SLC24A2: variants seen among roughly 807,000 people sequenced by gnomAD.
SLC24A2 encodes the protein sodium/potassium/calcium exchanger 2.
SLC24A2 carries 36 observed loss-of-function variants against 62.0 expected under a neutral mutation model. The ratio of observed to expected loss-of-function variants is 0.58; its 90% CI spans 0.44 to 0.77. SLC24A2 has a LOEUF of 0.77. Ranked by LOEUF, SLC24A2 falls within the 30% of genes least tolerant of loss-of-function variation. The pLI, the probability that SLC24A2 is intolerant of heterozygous loss-of-function variation, is 0.00. For missense variants in SLC24A2, 846 were observed against 817.9 expected, an observed-to-expected ratio of 1.03 and a Z score of -0.42; for synonymous variants, 358 against 294.0, an observed-to-expected ratio of 1.22 and a Z score of -2.23.
At chr9:19,664,344 GA>G in intron 2 of SLC24A2, among the ~76,000 whole-genome samples, 1 of 152,284 alleles carries the variant, frequency 6.6e-6, no homozygotes, top group Non-Finnish European at 1.5e-5. Flanking sequence ...AATTTTTAAA[GA>G]AAAAAGTCTG....
At chr9:19,919,213 G>A in the SLC24A2 span, among the ~76,000 whole-genome samples, 14 of 152,210 alleles carry the variant, frequency 9.2e-5, no homozygotes, top group East Asian at 2.1e-3. Context: ...GCTTGCTCCC[G>A]GGGGGTTCAG....
At chr9:19,650,552 T>G (rs1818770031) in intron 2 of SLC24A2, among the ~76,000 whole-genome samples, 1 of 151,986 alleles carries the variant, frequency 6.6e-6, no homozygotes, top group African/African-American at 2.4e-5. Context: ...AGCTTGGGTG[T>G]GATGATTAGG....
intron 10 of SLC24A2, among the ~76,000 whole-genome samples, chr9:19,517,519 G>A (rs1231065469): frequency 6.6e-6 from 1 of 152,208 alleles, no homozygotes; most frequent in African/African-American, 2.4e-5. Flanking sequence ...CAGAGCCCGT[G>A]CATTGTGGAT....
At chr9:19,908,189 C>T in the SLC24A2 span, among the ~76,000 whole-genome samples, 1 of 152,196 alleles carries the variant, frequency 6.6e-6, no homozygotes, top group East Asian at 1.9e-4. Context: ...TGCATATCTA[C>T]AACCATCTGA....
the SLC24A2 span, among the ~76,000 whole-genome samples, chr9:20,165,095 T>C: frequency 6.6e-6 from 1 of 151,618 alleles, no homozygotes; most frequent in Non-Finnish European, 1.5e-5. Context: ...GTAACTAACC[T>C]GCACATTGTG....
At chr9:19,944,493 G>A in the SLC24A2 span, among the ~76,000 whole-genome samples, 241 of 149,622 alleles carry the variant, frequency 1.6e-3, no homozygotes, top group Non-Finnish European at 2.3e-3. Flanking sequence ...AAATGAATTT[G>A]ACTTATCAAA....
the SLC24A2 span, among the ~76,000 whole-genome samples, chr9:20,082,055 G>A: frequency 6.6e-6 from 1 of 152,152 alleles, no homozygotes; most frequent in Non-Finnish European, 1.5e-5. Flanking sequence ...TTGATGAGGT[G>A]AGTGAATTTC....
intron 2 of SLC24A2, among the ~76,000 whole-genome samples, chr9:19,724,649 T>C (rs1821119887): frequency 6.6e-6 from 1 of 152,182 alleles, no homozygotes; most frequent in African/African-American, 2.4e-5. Context: ...AACATTCAGC[T>C]TATGCCCAAT....
the SLC24A2 span, among the ~76,000 whole-genome samples, chr9:20,259,457 G>A: frequency 3.3e-5 from 5 of 152,102 alleles, no homozygotes; most frequent in Non-Finnish European, 5.9e-5. Flanking sequence ...AAATTAGTTT[G>A]TTTTTAATAT....
At chr9:19,555,167 TAAAA>T (rs371772457) in intron 7 of SLC24A2, among the ~76,000 whole-genome samples, 1 of 150,192 alleles carries the variant, frequency 6.7e-6, no homozygotes, top group South Asian at 2.1e-4. Context: ...AGGGCACTCT[TAAAA>T]AAAAAATTAT....
the SLC24A2 span, among the ~76,000 whole-genome samples, chr9:20,208,988 T>A: frequency 6.6e-6 from 1 of 152,240 alleles, no homozygotes; most frequent in East Asian, 1.9e-4. Flanking sequence ...AACTGCTTAC[T>A]AGCTCTGTGA....
the SLC24A2 span, among the ~76,000 whole-genome samples, chr9:20,205,964 C>A: frequency 1.3e-5 from 2 of 152,198 alleles, no homozygotes; most frequent in South Asian, 4.1e-4. Flanking sequence ...ATCATGACTT[C>A]ATGTTTTATA....
the SLC24A2 span, among the ~76,000 whole-genome samples, chr9:19,859,762 T>C: frequency 6.6e-6 from 1 of 152,270 alleles, no homozygotes; most frequent in South Asian, 2.1e-4. Context: ...GGCAGCATTG[T>C]GAGGAGGGTG....
chr9:20,268,860 G>C, the SLC24A2 span, among the ~76,000 whole-genome samples: 1 of 152,156 alleles, frequency 6.6e-6, no homozygotes, highest in Non-Finnish European at 1.5e-5. Flanking sequence ...GTATGTGTGT[G>C]GAGGAACTAC....
chr9:20,133,470 T>C, the SLC24A2 span, among the ~76,000 whole-genome samples: 1 of 152,176 alleles, frequency 6.6e-6, no homozygotes, highest in Non-Finnish European at 1.5e-5. Flanking sequence ...CTTATAAAAC[T>C]ATATTCTCAC....
At chr9:19,945,959 G>C in the SLC24A2 span, among the ~76,000 whole-genome samples, 9 of 152,218 alleles carry the variant, frequency 5.9e-5, no homozygotes, top group East Asian at 1.7e-3. Flanking sequence ...CTGTGGTCTG[G>C]GAATCATCTC....
the SLC24A2 span, among the ~76,000 whole-genome samples, chr9:20,298,210 G>A: frequency 6.6e-6 from 1 of 152,128 alleles, no homozygotes; most frequent in African/African-American, 2.4e-5. Context: ...TGAGGAAATT[G>A]AGGTTCAGAA....
In SLC24A2 at chr9:19,729,061, TGAATAA is replaced by T. The variant is rs1214693967; in HGVS notation, c.930+56870_930+56875del. On this transcript the variant is annotated intron_variant, in intron 2 of 10. Transcript: ENST00000341998. ...TAGTAAATAGTAAATGTCTGGTGCA[TGAATAA>T]GAATAAGAGGAACTGAATAGACATT... Among the ~76,000 whole-genome samples the T allele has an allele frequency of 3.9e-5, 6 of 152,180 alleles. No homozygotes were observed. In the South Asian group the frequency reaches 8.3e-4, roughly 21 times the overall value.
the SLC24A2 span, among the ~76,000 whole-genome samples, chr9:20,006,765 A>G: frequency 6.6e-6 from 1 of 152,198 alleles, no homozygotes; most frequent in African/African-American, 2.4e-5. Context: ...CAGTCTATAC[A>G]GTATCAAGAA....
Sources: gnomAD v4.1 joint callset for allele counts (sites outside exome capture counted in the v4.1 genomes callset) on GRCh38, gnomAD v4.1.1 for gene constraint, MANE v1.5 for transcripts, NCBI Gene and HGNC (gene_info 2026-07-23, HGNC 2026-07-21) for gene names.